LINGO2: variants seen among roughly 807,000 people sequenced by gnomAD.
LINGO2 encodes the protein leucine-rich repeat and immunoglobulin-like domain-containing nogo receptor-interacting protein 2.
Under a neutral mutation model 30.6 loss-of-function variants are expected in LINGO2, and 14 were observed. The observed-to-expected ratio is 0.46, with a 90% CI of 0.30 to 0.72. The LOEUF is 0.72. LINGO2 is among the 30% of genes least tolerant of loss of function. The pLI, the probability that LINGO2 is intolerant of heterozygous loss-of-function variation, is 0.07. For missense variants in LINGO2, 729 were observed against 751.7 expected (o/e 0.97, Z 0.35); for synonymous variants, 317 against 288.5 (o/e 1.10, Z -1.00).
At chr9:28,581,634 A>G (rs535143920) in intron 1 of LINGO2, among the ~76,000 whole-genome samples, 9 of 151,890 alleles carry the variant, frequency 5.9e-5, no homozygotes, top group South Asian at 2.1e-4. Flanking sequence ...TAAATGCCTT[A>G]TATGTTCAAA....
chr9:28,981,694 C>T, the LINGO2 span, among the ~76,000 whole-genome samples: 2 of 152,078 alleles, frequency 1.3e-5, no homozygotes, highest in African/African-American at 4.8e-5. Context: ...CCATCTCTAC[C>T]ACATATCCAC....
the LINGO2 span, among the ~76,000 whole-genome samples, chr9:29,069,816 A>G: frequency 2.6e-5 from 4 of 152,188 alleles, no homozygotes; most frequent in Non-Finnish European, 5.9e-5. Context: ...ATTTTCAGTT[A>G]TAAGATTTTT....
At chr9:28,996,173 A>C in the LINGO2 span, among the ~76,000 whole-genome samples, 1 of 151,558 alleles carries the variant, frequency 6.6e-6, no homozygotes, top group East Asian at 1.9e-4. Flanking sequence ...CTGTTCGGCC[A>C]TCTAAGATTA....
chr9:28,797,181 C>T, the LINGO2 span, among the ~76,000 whole-genome samples: 2 of 150,920 alleles, frequency 1.3e-5, no homozygotes, highest in African/African-American at 2.4e-5. Flanking sequence ...ATTCACTCAA[C>T]AAATATTGAT....
chr9:27,969,645 T>C (rs1222708537), intron 5 of LINGO2, among the ~76,000 whole-genome samples: 1 of 152,112 alleles, frequency 6.6e-6, no homozygotes. Context: ...AAAGAAGTGA[T>C]AGAAAGGGGA....
At chr9:28,188,665 G>C (rs1488674880) in intron 4 of LINGO2, among the ~76,000 whole-genome samples, 1 of 152,120 alleles carries the variant, frequency 6.6e-6, no homozygotes, top group African/African-American at 2.4e-5. Flanking sequence ...ACATTCTTAT[G>C]TTTTCTATAG....
At chr9:29,193,790 G>A in the LINGO2 span, among the ~76,000 whole-genome samples, 1 of 152,168 alleles carries the variant, frequency 6.6e-6, no homozygotes, top group Non-Finnish European at 1.5e-5. Flanking sequence ...GTGAGACTCT[G>A]AAGTCCACTC....
the LINGO2 span, among the ~76,000 whole-genome samples, chr9:28,892,238 A>G: frequency 1.3e-5 from 2 of 151,998 alleles, no homozygotes; most frequent in African/African-American, 4.8e-5. Flanking sequence ...CTGAGCTCTA[A>G]GAGGTCAAGT....
At chr9:28,264,648 G>T (rs904298533) in intron 4 of LINGO2, among the ~76,000 whole-genome samples, 2 of 151,946 alleles carry the variant, frequency 1.3e-5, no homozygotes, top group African/African-American at 4.8e-5. Flanking sequence ...TTTTGGGAAT[G>T]GGACACACTG....
intron 1 of LINGO2, among the ~76,000 whole-genome samples, chr9:28,494,118 T>G (rs1819489782): frequency 6.6e-6 from 1 of 152,166 alleles, no homozygotes; most frequent in Admixed American, 6.5e-5. Context: ...AGAATAAATA[T>G]TAACATATAT....
At chr9:28,375,131 C>T (rs995017048) in intron 2 of LINGO2, among the ~76,000 whole-genome samples, 43 of 129,058 alleles carry the variant, frequency 3.3e-4, no homozygotes, top group Middle Eastern at 7.9e-3. Flanking sequence ...CACACACACA[C>T]ACATACACCC....
intron 3 of LINGO2, among the ~76,000 whole-genome samples, chr9:28,322,535 A>T (rs1825085103): frequency 6.6e-6 from 1 of 152,034 alleles, no homozygotes; most frequent in Non-Finnish European, 1.5e-5. Flanking sequence ...TATTTTATTC[A>T]CTTTATAGAA....
intron 2 of LINGO2, among the ~76,000 whole-genome samples, chr9:28,467,359 CT>C (rs1382177681): frequency 1.3e-5 from 2 of 152,224 alleles, no homozygotes; most frequent in African/African-American, 4.8e-5. Flanking sequence ...GCTCTTTCTC[CT>C]TTCAAATCAT....
intron 5 of LINGO2, among the ~76,000 whole-genome samples, chr9:27,974,287 T>C (rs898490576): frequency 2.6e-5 from 4 of 152,160 alleles, no homozygotes. Context: ...TCTCTACTCT[T>C]CCTGGGATTG....
the LINGO2 span, among the ~76,000 whole-genome samples, chr9:28,898,503 C>T: frequency 2.0e-4 from 30 of 152,088 alleles, no homozygotes; most frequent in Non-Finnish European, 2.8e-4. Flanking sequence ...AGGTCTGTAT[C>T]GAGGTTTTCC....
intron 3 of LINGO2, among the ~76,000 whole-genome samples, chr9:28,314,331 A>C (rs1320869563): frequency 6.6e-6 from 1 of 152,224 alleles, no homozygotes; most frequent in Non-Finnish European, 1.5e-5. Context: ...GTAAACAAAA[A>C]GTTGATCAAT....
chr9:28,578,216 G>T (rs538081863), intron 1 of LINGO2, among the ~76,000 whole-genome samples: 1 of 152,148 alleles, frequency 6.6e-6, no homozygotes, highest in Admixed American at 6.6e-5. Context: ...TTCCAAAGGG[G>T]AAGAGTGCCA....
the LINGO2 span, among the ~76,000 whole-genome samples, chr9:29,132,787 A>G: frequency 6.6e-6 from 1 of 152,236 alleles, no homozygotes; most frequent in African/African-American, 2.4e-5. Flanking sequence ...CAGAATGATA[A>G]GAACCACCAT....
At chr9:29,063,936 C>T in the LINGO2 span, among the ~76,000 whole-genome samples, 1 of 152,062 alleles carries the variant, frequency 6.6e-6, no homozygotes, top group Admixed American at 6.6e-5. Context: ...TAACACCTGG[C>T]ACAATGATTG....
Sources: allele counts gnomAD v4.1 joint callset (sites outside exome capture counted in the v4.1 genomes callset), GRCh38; gene constraint gnomAD v4.1.1; transcripts MANE v1.5; gene names NCBI Gene and HGNC (gene_info 2026-07-23, HGNC 2026-07-21).